The following ASTN2 variants were observed in gnomAD, a reference collection of about 807,000 sequenced individuals.
ASTN2 encodes astrotactin 2, also known as astrotactin-2.
Under a neutral mutation model 139.8 loss-of-function variants are expected in ASTN2, and 54 were observed. That is an observed-to-expected ratio of 0.39 (90% CI 0.31 to 0.48). ASTN2 has a LOEUF of 0.48. ASTN2 is among the 20% of genes least tolerant of loss of function. The pLI, the probability that ASTN2 is intolerant of heterozygous loss-of-function variation, is 0.95. For synonymous variants in ASTN2, 756 were observed against 719.5 expected, an observed-to-expected ratio of 1.05 and a Z score of -0.81; for missense variants, 1,565 against 1,725.1, an observed-to-expected ratio of 0.91 and a Z score of 1.64.
chr9:116,722,637 A>T (rs12005419), intron 16 of ASTN2, among the ~76,000 whole-genome samples: 12,960 of 152,034 alleles, frequency 0.085, 1,839 homozygotes, highest in African/African-American at 0.3. Flanking sequence ...GTAATGGGGG[A>T]AGTGAGTACC....
chr9:117,039,009 C>T (rs1564396411), intron 6 of ASTN2, among the ~76,000 whole-genome samples: 1 of 152,196 alleles, frequency 6.6e-6, no homozygotes, highest in Non-Finnish European at 1.5e-5. Context: ...CAATAAAACT[C>T]ATACAGTCTT....
chr9:116,881,113 G>C (rs953502387), intron 10 of ASTN2, among the ~76,000 whole-genome samples: 2 of 152,160 alleles, frequency 1.3e-5, no homozygotes, highest in Non-Finnish European at 2.9e-5. Flanking sequence ...AGCACAAACA[G>C]AGTCACAGAA....
At chr9:116,818,146 T>C (rs1176510992) in intron 12 of ASTN2, among the ~76,000 whole-genome samples, 2 of 152,186 alleles carry the variant, frequency 1.3e-5, no homozygotes, top group African/African-American at 4.8e-5. Flanking sequence ...CCAAAGCACT[T>C]AGAACAGTCA....
At chr9:116,462,119 C>T (rs1230127070) in intron 20 of ASTN2, among the ~76,000 whole-genome samples, 3 of 152,160 alleles carry the variant, frequency 2.0e-5, no homozygotes. Context: ...AAACCCAAGC[C>T]TGATTCTAAA....
intron 19 of ASTN2, among the ~76,000 whole-genome samples, chr9:116,561,285 T>G (rs973125023): frequency 1.3e-5 from 2 of 152,182 alleles, no homozygotes; most frequent in Non-Finnish European, 2.9e-5. Flanking sequence ...TGGCTAGAAC[T>G]TAATCATCTT....
At position 117,158,342 on chromosome 9, in the gene ASTN2, G is replaced by T. The variant is rs1221670849; in HGVS notation, c.1016-16864C>A. On this transcript the variant is annotated intron_variant, in intron 3 of 22. Transcript: ENST00000313400. ...GAATGGGCAAGAATGAAAGGACTTA[G>T]ATATGAATTGGAGGAGACAGGAAGA... is the stretch of plus-strand genomic sequence containing the variant. 2.6e-5 allele frequency among the ~76,000 whole-genome samples: 4 copies of T among 152,050 alleles called. No homozygotes were observed. In the South Asian group the frequency reaches 8.3e-4, roughly 31 times the overall value.
At chr9:117,354,151 G>A (rs1829469429) in intron 1 of ASTN2, among the ~76,000 whole-genome samples, 1 of 152,092 alleles carries the variant, frequency 6.6e-6, no homozygotes, top group African/African-American at 2.4e-5. Flanking sequence ...AAGGGCGGAA[G>A]GTACTCGGGA....
chr9:116,683,457 T>C (rs1860013809), intron 16 of ASTN2, among the ~76,000 whole-genome samples: 2 of 152,222 alleles, frequency 1.3e-5, no homozygotes, highest in African/African-American at 4.8e-5. Flanking sequence ...CTATAGACTT[T>C]TGTCATCCAT....
intron 14 of ASTN2, among the ~76,000 whole-genome samples, chr9:116,732,813 C>T (rs1379113054): frequency 6.6e-6 from 1 of 152,186 alleles, no homozygotes; most frequent in East Asian, 1.9e-4. Flanking sequence ...TGCTACAGCA[C>T]CCAGGTTTTA....
chr9:116,563,665 CT>C (rs1853040078), intron 19 of ASTN2, among the ~76,000 whole-genome samples: 1 of 152,096 alleles, frequency 6.6e-6, no homozygotes, highest in African/African-American at 2.4e-5. Flanking sequence ...GCATAGTTGT[CT>C]TTTTTTCTGC....
At chr9:117,022,542 G>A (rs985832170) in intron 6 of ASTN2, among the ~76,000 whole-genome samples, 10 of 152,094 alleles carry the variant, frequency 6.6e-5, no homozygotes, top group Non-Finnish European at 1.3e-4. Flanking sequence ...AGTGCCCTGA[G>A]ATTCTCCTAG....
intron 17 of ASTN2, among the ~76,000 whole-genome samples, chr9:116,649,122 C>T (rs1042616278): frequency 6.6e-6 from 1 of 152,182 alleles, no homozygotes; most frequent in Non-Finnish European, 1.5e-5. Flanking sequence ...GTTTTCCTGA[C>T]TCAAGATCAC....
At chr9:117,028,643 G>A (rs919113819) in intron 6 of ASTN2, among the ~76,000 whole-genome samples, 2 of 152,124 alleles carry the variant, frequency 1.3e-5, no homozygotes, top group Admixed American at 6.5e-5. Context: ...CACAAGCTTG[G>A]ATGTGATCCT....
chr9:116,552,636 G>A (rs1587988123), intron 19 of ASTN2, among the ~76,000 whole-genome samples: 1 of 152,322 alleles, frequency 6.6e-6, no homozygotes, highest in Non-Finnish European at 1.5e-5. Flanking sequence ...CAGTGGAACT[G>A]GGATTTGAAC....
intron 6 of ASTN2, among the ~76,000 whole-genome samples, chr9:117,016,585 C>A (rs1837680629): frequency 1.2e-5 from 1 of 80,698 alleles, no homozygotes; most frequent in Non-Finnish European, 2.5e-5. Flanking sequence ...TTGGGGTATT[C>A]TAGGTTTTAT....
intron 12 of ASTN2, among the ~76,000 whole-genome samples, chr9:116,817,982 G>GT (rs1461999008): frequency 6.6e-6 from 1 of 151,978 alleles, no homozygotes; most frequent in Non-Finnish European, 1.5e-5. Context: ...CAATACCTAA[G>GT]TTTCAATCTC....
intron 20 of ASTN2, among the ~76,000 whole-genome samples, chr9:116,482,777 T>C (rs1849215030): frequency 6.6e-6 from 1 of 152,160 alleles, no homozygotes; most frequent in South Asian, 2.1e-4. Context: ...GTTCCCACCA[T>C]GGATGTTGGC....
In ASTN2 at chr9:116,442,468, C is replaced by T; in HGVS notation, c.3583G>A (p.Asp1195Asn). ...TLRTACPLVD[D>N]NKAEEIADKI... ...GGTTACCTACCTTCTGCCTTGTTGT[C>T]ATCTACCAGTGGACAGGCCGTCCTC... is the stretch of plus-strand genomic sequence containing the variant. The change falls in exon 21 of 23, where the codon GAC (aspartate) becomes AAC (asparagine). Residue 1195 changes from aspartate to asparagine, a missense_variant. Asp to Asn is a conservative substitution (Grantham distance 23, BLOSUM62 1). Coordinates refer to ENST00000313400, the MANE Select transcript of ASTN2 (RefSeq NM_001365068.1). The T allele has an allele frequency of 1.9e-6, 3 of 1,614,074 alleles. No homozygotes were observed. Among genetic ancestry groups the T allele is most frequent in the Non-Finnish European group, 2.5e-6 (3 of 1,180,014 alleles).
At chr9:116,831,023 T>C (rs1224735078) in intron 11 of ASTN2, among the ~76,000 whole-genome samples, 1 of 148,200 alleles carries the variant, frequency 6.7e-6, no homozygotes, top group Non-Finnish European at 1.5e-5. Flanking sequence ...TAAAAAAGAA[T>C]GAAATCATGT....
Sources: allele counts gnomAD v4.1 joint callset (sites outside exome capture counted in the v4.1 genomes callset), GRCh38; gene constraint gnomAD v4.1.1; transcripts MANE v1.5; gene names NCBI Gene and HGNC (gene_info 2026-07-23, HGNC 2026-07-21).